The following PKD2L2 variants were observed in gnomAD, a reference collection of about 807,000 sequenced individuals.
The protein encoded by PKD2L2 is polycystin 2 like 2, transient receptor potential cation channel, also known as polycystin-2-like protein 2.
In PKD2L2, 67 loss-of-function variants were observed where a neutral mutation model predicts 83.9. That is an observed-to-expected ratio of 0.80 (90% CI 0.66 to 0.98). The LOEUF is 0.98. PKD2L2 is among the 50% of genes least tolerant of loss of function. PKD2L2 has a pLI of 0.00. For missense variants in PKD2L2, 632 were observed against 717.2 expected (o/e 0.88, Z 1.36); for synonymous variants, 223 against 237.8 (o/e 0.94, Z 0.57).
At chr5:137,938,597 G>A (rs1337553676) in intron 14 of PKD2L2, 2 of 152,530 alleles carry the variant, frequency 1.3e-5, no homozygotes, top group African/African-American at 4.8e-5. Context: ...GCAGGATTTA[G>A]TGCTTTTCTT....
intron 12 of PKD2L2, among the ~76,000 whole-genome samples, chr5:137,928,298 C>T (rs144892000): frequency 6.7e-6 from 1 of 150,020 alleles, no homozygotes; most frequent in East Asian, 2.0e-4. Context: ...CACCTGTAAT[C>T]CCAGCACTTT....
chr5:137,925,970 T>C (rs1461243105), intron 12 of PKD2L2, 41 bp downstream of exon 12: 2 of 1,097,248 alleles, frequency 1.8e-6, no homozygotes, highest in South Asian at 1.4e-5. Flanking sequence ...GTGGTAGCTG[T>C]ATTAGAAATA....
At chr5:137,939,951 G>C in intron 14 of PKD2L2, 1 of 1,411,044 alleles carries the variant, frequency 7.1e-7, no homozygotes, top group South Asian at 1.7e-5. Flanking sequence ...TTTGCTAAAA[G>C]GATGTATCTG....
chr5:137,919,299 T>C (rs1758676780), intron 8 of PKD2L2, among the ~76,000 whole-genome samples: 1 of 152,156 alleles, frequency 6.6e-6, no homozygotes, highest in South Asian at 2.1e-4. Context: ...ACAAAATGGA[T>C]AAACTAAGCT....
intron 12 of PKD2L2, among the ~76,000 whole-genome samples, chr5:137,931,567 A>T (rs1759883178): frequency 6.6e-6 from 1 of 152,240 alleles, no homozygotes. Flanking sequence ...TTGCATTAAA[A>T]AAGGAAAACT....
In PKD2L2 at chr5:137,926,961, A is replaced by T. The variant is rs575817251; in HGVS notation, c.1671+1032A>T. Among the ~76,000 whole-genome samples the T allele has an allele frequency of 6.6e-5, 10 of 152,294 alleles. No individual in the cohort carries two copies. The South Asian group carries it at 2.1e-3, about 32-fold the overall frequency. ...TACCAAAGGACAACTATACAAGATG[A>T]GTCTGGAATAGCTTATTGAGACATA... On this transcript the variant is annotated intron_variant, in intron 12 of 14. Transcript: ENST00000508883.
intron 12 of PKD2L2, among the ~76,000 whole-genome samples, chr5:137,932,685 G>A (rs1759974586): frequency 1.3e-5 from 2 of 152,164 alleles, no homozygotes; most frequent in Admixed American, 6.5e-5. Flanking sequence ...GCTGATAAAG[G>A]TTAAGTATTC....
Position 137,892,475 on chromosome 5 carries a change from C to T in PKD2L2, c.134-5C>T, listed in dbSNP as rs778210402. The T allele has an allele frequency of 4.8e-6, 7 of 1,452,128 alleles. No homozygotes were observed. The highest frequency in any genetic ancestry group is 5.6e-6 in the Non-Finnish European group (6 of 1,079,854). 90.0% of individuals were successfully genotyped at this position (1,452,128 alleles called of 1,614,324 possible). ...AATTATTAAACAAAAAATTATTCTC[C>T]TTAGTGACTTTTGGGATGGTAAACC... On this transcript the variant is annotated splice_polypyrimidine_tract_variant and splice_region_variant and intron_variant, in intron 2 of 14. Coordinates refer to ENST00000508883, the MANE Select transcript of PKD2L2 (RefSeq NM_001300921.2).
intron 8 of PKD2L2, among the ~76,000 whole-genome samples, chr5:137,911,946 T>C (rs1757876002): frequency 6.6e-6 from 1 of 152,238 alleles, no homozygotes; most frequent in South Asian, 2.1e-4. Flanking sequence ...CTTAATATGA[T>C]GGTCCTCCAA....
intron 12 of PKD2L2, among the ~76,000 whole-genome samples, chr5:137,928,613 G>T (rs1759581158): frequency 6.6e-6 from 1 of 152,102 alleles, no homozygotes; most frequent in Non-Finnish European, 1.5e-5. Flanking sequence ...TGTGTTTTTT[G>T]TACAGATGAG....
intron 5 of PKD2L2, among the ~76,000 whole-genome samples, chr5:137,901,003 G>A (rs1446295286): frequency 6.6e-6 from 1 of 152,048 alleles, no homozygotes; most frequent in Non-Finnish European, 1.5e-5. Context: ...CGGGCGTGGT[G>A]GCACAGCCTG....
At chr5:137,937,761 C>T (rs1022678245) in intron 14 of PKD2L2, among the ~76,000 whole-genome samples, 10 of 152,150 alleles carry the variant, frequency 6.6e-5, no homozygotes, top group African/African-American at 2.4e-4. Flanking sequence ...TAGATCTGCA[C>T]AAGGGAATGA....
chr5:137,915,429 T>A (rs1294857181), intron 8 of PKD2L2, among the ~76,000 whole-genome samples: 1 of 152,030 alleles, frequency 6.6e-6, no homozygotes, highest in Non-Finnish European at 1.5e-5. Flanking sequence ...TATTTATTTT[T>A]ATTTTTTATT....
chr5:137,895,383 G>A (rs1403081298), intron 4 of PKD2L2, among the ~76,000 whole-genome samples: 2 of 150,662 alleles, frequency 1.3e-5, no homozygotes, highest in South Asian at 2.1e-4. Context: ...GATCCAGGAG[G>A]ATCACTTGAG....
At chr5:137,907,561 A>C (rs1757464474) in intron 6 of PKD2L2, among the ~76,000 whole-genome samples, 181 bp from the exon 7 acceptor site, 1 of 152,192 alleles carries the variant, frequency 6.6e-6, no homozygotes, top group Non-Finnish European at 1.5e-5. Flanking sequence ...TATAATAATT[A>C]ATGCTACCTT....
At chr5:137,911,322 A>G (rs1053169697) in intron 8 of PKD2L2, among the ~76,000 whole-genome samples, 21 of 152,206 alleles carry the variant, frequency 1.4e-4, no homozygotes, top group Non-Finnish European at 2.6e-4. Context: ...GAAAGGCTGA[A>G]TAATATTCCA....
At chr5:137,936,465 T>C (rs1312143655) in intron 14 of PKD2L2, 38 bp downstream of exon 14, 41 of 1,517,972 alleles carry the variant, frequency 2.7e-5, no homozygotes, top group Non-Finnish European at 3.3e-5. Flanking sequence ...CATTTCTTTT[T>C]TTTTTTTTGA....
chr5:137,935,386 G>A (rs1760243462), intron 12 of PKD2L2, among the ~76,000 whole-genome samples: 1 of 152,174 alleles, frequency 6.6e-6, no homozygotes, highest in South Asian at 2.1e-4. Context: ...ATCTGACTGA[G>A]AAGCTGCTGG....
At chr5:137,919,609 G>A (rs921215095) in intron 8 of PKD2L2, among the ~76,000 whole-genome samples, 2 of 151,604 alleles carry the variant, frequency 1.3e-5, no homozygotes, top group Non-Finnish European at 2.9e-5. Context: ...TATTTGATTT[G>A]TGGTGAGACT....
Sources: gnomAD v4.1 joint callset for allele counts (sites outside exome capture counted in the v4.1 genomes callset) on GRCh38, gnomAD v4.1.1 for gene constraint, MANE v1.5 for transcripts, NCBI Gene and HGNC (gene_info 2026-07-23, HGNC 2026-07-21) for gene names.